Variants in AJAP1 observed in about 807,000 individuals in gnomAD.
The protein encoded by AJAP1 is adherens junctions associated protein 1, also known as adherens junction-associated protein 1.
A neutral mutation model predicts 35.0 loss-of-function variants in AJAP1; 5 were observed. The observed-to-expected ratio is 0.14, with a 90% confidence interval of 0.07 to 0.30. The LOEUF (loss-of-function observed/expected upper bound fraction) is 0.30. Ranked by LOEUF, AJAP1 falls within the 10% of genes least tolerant of loss-of-function variation. The probability of loss-of-function intolerance (pLI) is 1.00; values close to 1 mark genes in which losing one functional copy is unlikely to be tolerated. For missense variants in AJAP1, 586 were observed against 571.0 expected (o/e 1.03, Z -0.27); for synonymous variants, 284 against 249.3 (o/e 1.14, Z -1.31).
chr1:4,673,537 T>G (rs557120207), intron 1 of AJAP1, among the ~76,000 whole-genome samples: 1 of 152,302 alleles, frequency 6.6e-6, no homozygotes, highest in African/African-American at 2.4e-5. Context: ...GGACCCGGTA[T>G]GGTGCCCTCC....
rs1194897398 is a variant in AJAP1 at position 4,654,767 on chromosome 1, G to A, written c.-659G>A. The A allele has an allele frequency of 4.0e-5, 6 of 148,994 alleles. No individual in the cohort carries two copies. The highest frequency in any genetic ancestry group is 8.9e-5 in the Non-Finnish European group (6 of 67,128). 9.2% of individuals were successfully genotyped at this position (148,994 alleles called of 1,614,324 possible). A position where few individuals can be genotyped will look rare whatever the true frequency, so the allele number is the denominator to read the frequency against. ...GCTCCACGGCGCCCTCGCCCCGCGC[G>A]CCTCTCGTGCCCGCCTCCTGCCAGT... On this transcript the variant is annotated 5_prime_UTR_variant, in exon 1 of 6. Transcript: ENST00000378191. This position sits in a 1 kb window ranked among gnomAD's most constrained non-coding sequence, Gnocchi z 5.1.
chr1:4,781,528 C>T (rs1387167323), intron 5 of AJAP1, among the ~76,000 whole-genome samples: 3 of 152,348 alleles, frequency 2.0e-5, no homozygotes, highest in Admixed American at 6.5e-5. Context: ...GGTGTTTTTC[C>T]GACTTCATTT....
intron 3 of AJAP1, among the ~76,000 whole-genome samples, chr1:4,770,195 A>G (rs1371507425): frequency 6.6e-6 from 1 of 152,088 alleles, no homozygotes; most frequent in Admixed American, 6.5e-5. Flanking sequence ...CCTGGGTTCC[A>G]GATTCTTTCT....
intron 5 of AJAP1, among the ~76,000 whole-genome samples, chr1:4,776,110 C>T (rs946539276): frequency 1.8e-4 from 28 of 152,250 alleles, no homozygotes; most frequent in African/African-American, 6.8e-4. Context: ...GAGCCACAGA[C>T]CCACAGAACT....
chr1:4,686,148 C>G (rs929547015), intron 1 of AJAP1, among the ~76,000 whole-genome samples: 1 of 152,230 alleles, frequency 6.6e-6, no homozygotes, highest in Non-Finnish European at 1.5e-5. Context: ...GCCTCATCCT[C>G]ACGTCTTCCT....
chr1:4,780,388 C>A (rs1238136363), intron 5 of AJAP1, among the ~76,000 whole-genome samples: 8 of 151,980 alleles, frequency 5.3e-5, no homozygotes, highest in Non-Finnish European at 1.2e-4. Flanking sequence ...AATCATACAG[C>A]ATTCGTCTCT....
At chr1:4,715,377 C>T (rs1640364584) in intron 2 of AJAP1, among the ~76,000 whole-genome samples, 1 of 152,234 alleles carries the variant, frequency 6.6e-6, no homozygotes, top group Non-Finnish European at 1.5e-5. Context: ...TTCTTTTCTT[C>T]ACCAGCAAAA....
At chr1:4,672,447 G>A (rs1411570960) in intron 1 of AJAP1, among the ~76,000 whole-genome samples, 1 of 152,152 alleles carries the variant, frequency 6.6e-6, no homozygotes, top group African/African-American at 2.4e-5. Flanking sequence ...TTCTTTTCAA[G>A]CCCCTGTGTT....
At chr1:4,770,178 G>C (rs189453469) in intron 3 of AJAP1, among the ~76,000 whole-genome samples, 7 of 152,156 alleles carry the variant, frequency 4.6e-5, no homozygotes, top group Admixed American at 6.5e-5. Context: ...CTCAGGGTGC[G>C]TGTGGTCCTG....
chr1:4,791,427 T>G lies in AJAP1; in HGVS notation c.*8942T>G, dbSNP rs1348816461. ...CTGGAACCTTCCAGTTGTTTAATTC[T>G]GTAGAAACTGTTCACGAAAGGCTGA... On this transcript the variant is annotated 3_prime_UTR_variant, in exon 6 of 6. Coordinates refer to ENST00000378191, the MANE Select transcript of AJAP1 (RefSeq NM_018836.4). 6.6e-6 allele frequency: 1 copy of G among 152,236 alleles called. No homozygotes were observed. Among genetic ancestry groups the G allele is most frequent in the African/African-American group, 2.4e-5 (1 of 41,466 alleles). 9.4% of individuals were successfully genotyped at this position (152,236 alleles called of 1,614,324 possible). A position where few individuals can be genotyped will look rare whatever the true frequency, so the allele number is the denominator to read the frequency against.
At chr1:4,767,799 C>T (rs1035043838) in intron 2 of AJAP1, among the ~76,000 whole-genome samples, 9 of 152,198 alleles carry the variant, frequency 5.9e-5, no homozygotes, top group African/African-American at 9.6e-5. Flanking sequence ...TGAGCACATA[C>T]GCTTTGTGAC....
intron 2 of AJAP1, among the ~76,000 whole-genome samples, chr1:4,763,497 A>T (rs547090596): frequency 1.3e-5 from 2 of 152,268 alleles, no homozygotes; most frequent in East Asian, 3.9e-4. Context: ...AATTTTATGC[A>T]CCAACTTGAC....
chr1:4,664,553 A>C (rs1158098465), intron 1 of AJAP1, among the ~76,000 whole-genome samples: 1 of 152,136 alleles, frequency 6.6e-6, no homozygotes, highest in Admixed American at 6.5e-5. Flanking sequence ...GCTGATCCCC[A>C]CCATCAGCTG....
chr1:4,708,286 G>T (rs1242207616), intron 1 of AJAP1, among the ~76,000 whole-genome samples: 1 of 152,032 alleles, frequency 6.6e-6, no homozygotes, highest in Admixed American at 6.6e-5. Context: ...TTCTTAAGGG[G>T]CCTGTGGATG....
At chr1:4,771,451 C>T (rs745308614) in intron 3 of AJAP1, among the ~76,000 whole-genome samples, 3 of 152,282 alleles carry the variant, frequency 2.0e-5, no homozygotes, top group Admixed American at 6.5e-5. Flanking sequence ...GGGGAAGGGG[C>T]GGGCAGGGGA....
At chr1:4,695,011 T>C (rs9970681) in intron 1 of AJAP1, among the ~76,000 whole-genome samples, 10,795 of 148,184 alleles carry the variant, frequency 0.073, 418 homozygotes, top group Admixed American at 0.097. Flanking sequence ...GGGAGAGGAG[T>C]GGACGGACCC....
chr1:4,733,838 G>A (rs1207937570), intron 2 of AJAP1, among the ~76,000 whole-genome samples: 6 of 151,990 alleles, frequency 3.9e-5, no homozygotes, highest in Non-Finnish European at 7.4e-5. Context: ...CCCACACGCC[G>A]TCGTCTGTGT....
At chr1:4,704,546 T>C (rs61765033) in intron 1 of AJAP1, among the ~76,000 whole-genome samples, 22,477 of 152,032 alleles carry the variant, frequency 0.15, 1,814 homozygotes, top group South Asian at 0.24. Flanking sequence ...TTTCTTAATC[T>C]GGTCTATCAT....
chr1:4,705,277 A>G (rs1394543204), intron 1 of AJAP1, among the ~76,000 whole-genome samples: 1 of 152,030 alleles, frequency 6.6e-6, no homozygotes, highest in Admixed American at 6.6e-5. Context: ...CTAAAACCGT[A>G]AAAACCCTAT....
Sources: gnomAD v4.1 joint callset for allele counts (sites outside exome capture counted in the v4.1 genomes callset) on GRCh38, gnomAD v4.1.1 for gene constraint, Gnocchi (gnomAD v3.1) non-coding constraint, MANE v1.5 for transcripts, NCBI Gene and HGNC (gene_info 2026-07-23, HGNC 2026-07-21) for gene names.